ADGRB3: variants seen among roughly 807,000 people sequenced by gnomAD.
ADGRB3 encodes the protein adhesion G protein-coupled receptor B3, also known as brain-specific angiogenesis inhibitor 3.
Under a neutral mutation model 193.4 loss-of-function variants are expected in ADGRB3, and 37 were observed. That is an observed-to-expected ratio of 0.19 (90% confidence interval 0.15 to 0.25). ADGRB3 has a LOEUF of 0.25. Among genes scored for constraint, ADGRB3 ranks in the 10% least tolerant of loss-of-function variants. The pLI is 1.00. For missense variants in ADGRB3, 1,637 were observed against 1,852.9 expected (o/e 0.88, Z 2.14); for synonymous variants, 690 against 644.2 (o/e 1.07, Z -1.08).
rs372193262 is a variant in ADGRB3 at position 68,798,628 on chromosome 6, C to A, written c.758-131931C>A. On this transcript the variant is annotated intron_variant, in intron 3 of 31. Coordinates refer to ENST00000370598, the MANE Select transcript of ADGRB3 (RefSeq NM_001704.3). The stretch of plus-strand genomic sequence containing the variant: ...AGCAAACCACCATGGCACATGTATA[C>A]CTATGTAACAAAACTGCACGTTCTG... Among the ~76,000 whole-genome samples the A allele has an allele frequency of 5.9e-5, 9 of 152,178 alleles. No individual in the cohort carries two copies. The East Asian group carries it at 1.5e-3, about 26-fold the overall frequency.
intron 20 of ADGRB3, among the ~76,000 whole-genome samples, chr6:69,241,152 G>T (rs981426333): frequency 6.6e-6 from 1 of 151,798 alleles, no homozygotes; most frequent in Admixed American, 6.6e-5. Context: ...TCTACAAGGT[G>T]TACTTCACAT....
rs778446616 is a variant in ADGRB3, at chr6:68,943,942, G to T, written c.1143G>T (p.Pro381=). The T allele has an allele frequency of 3.1e-6, 5 of 1,613,580 alleles. No homozygotes were observed. Among genetic ancestry groups the T allele is most frequent in the Admixed American group, 1.7e-5 (1 of 59,992 alleles). The change falls in exon 6 of 32, where the codon CCG becomes CCT. Residue 381 remains proline (P), a synonymous_variant. Coordinates refer to ENST00000370598, the MANE Select transcript of ADGRB3 (RefSeq NM_001704.3). ...CACCTCCTCAGTATGGAGGAAGGCC[G>T]TGTGAAGGACCTGAAACACATCATA... ...SCTPPQYGGR[P]CEGPETHHKP... is the part of the protein sequence containing the mutation.
chr6:68,700,206 G>A (rs895923303), intron 3 of ADGRB3, among the ~76,000 whole-genome samples: 11 of 152,100 alleles, frequency 7.2e-5, no homozygotes, highest in African/African-American at 2.7e-4. Flanking sequence ...TCTTGAATAG[G>A]ACTTTAATGT....
At chr6:68,949,271 T>C (rs550803831) in intron 6 of ADGRB3, among the ~76,000 whole-genome samples, 1 of 152,076 alleles carries the variant, frequency 6.6e-6, no homozygotes. Context: ...TGTCAGTCTG[T>C]TGAGCTGAGC....
intron 20 of ADGRB3, among the ~76,000 whole-genome samples, chr6:69,301,115 G>A (rs1767941025): frequency 6.6e-6 from 1 of 151,570 alleles, no homozygotes; most frequent in Non-Finnish European, 1.5e-5. Context: ...TTGAAGATGA[G>A]CCACCTAATC....
At chr6:69,297,708 A>G (rs1313996532) in intron 20 of ADGRB3, among the ~76,000 whole-genome samples, 3 of 152,034 alleles carry the variant, frequency 2.0e-5, no homozygotes. Context: ...TTTTAAATGG[A>G]GAAGTAGCCA....
At chr6:69,072,441 T>C (rs542114109) in intron 16 of ADGRB3, among the ~76,000 whole-genome samples, 7 of 152,208 alleles carry the variant, frequency 4.6e-5, no homozygotes, top group Non-Finnish European at 8.8e-5. Flanking sequence ...ATTTCTCGTT[T>C]TGAAACCTTT....
chr6:68,754,301 C>T (rs1041384649), intron 3 of ADGRB3, among the ~76,000 whole-genome samples: 1 of 152,120 alleles, frequency 6.6e-6, no homozygotes, highest in African/African-American at 2.4e-5. Flanking sequence ...GGCCTCTGGT[C>T]ATAGCAGGGG....
chr6:69,152,913 T>A (rs1029789357), intron 17 of ADGRB3, among the ~76,000 whole-genome samples: 2 of 152,144 alleles, frequency 1.3e-5, no homozygotes, highest in African/African-American at 4.8e-5. Flanking sequence ...AAATTGAGGA[T>A]CCTGGAACTG....
At position 68,901,964 on chromosome 6, in the gene ADGRB3, T is replaced by G. The variant is rs538970105; in HGVS notation, c.758-28595T>G. ...TGACATTGGCAATATTTAATTTATA[T>G]TTTTTAGCTGGAAGCCGTCTTGTTC... On this transcript the variant is annotated intron_variant, in intron 3 of 31. Coordinates refer to ENST00000370598, the MANE Select transcript of ADGRB3 (RefSeq NM_001704.3). 2.3e-3 allele frequency among the ~76,000 whole-genome samples: 354 copies of G among 152,306 alleles called. 1 individual carries two copies. Among genetic ancestry groups the G allele is most frequent in the Non-Finnish European group, 3.7e-3 (253 of 68,010 alleles).
At chr6:68,679,660 A>G (rs1764844450) in intron 3 of ADGRB3, among the ~76,000 whole-genome samples, 1 of 152,176 alleles carries the variant, frequency 6.6e-6, no homozygotes, top group Admixed American at 6.5e-5. Context: ...ATCTCAGTCT[A>G]TATTGAGGTT....
Position 69,389,501 on chromosome 6 carries a change from T to C in ADGRB3, c.*610T>C, listed in dbSNP as rs550352859. ...GTTGTATGGTGTAAATAAACTTTTG[T>C]CTACATATCAGTTTTTTAGTGCATT... On this transcript the variant is annotated 3_prime_UTR_variant, in exon 32 of 32. Transcript: ENST00000370598. 2.6e-5 allele frequency: 4 copies of C among 152,720 alleles called. No individual in the cohort carries two copies. Among genetic ancestry groups the C allele is most frequent in the African/African-American group, 9.6e-5 (4 of 41,580 alleles). 9.5% of individuals were successfully genotyped at this position (152,720 alleles called of 1,614,324 possible). A position where few individuals can be genotyped will look rare whatever the true frequency, so the allele number is the denominator to read the frequency against.
chr6:69,118,163 A>T (rs965318932), intron 17 of ADGRB3, among the ~76,000 whole-genome samples: 9 of 152,110 alleles, frequency 5.9e-5, no homozygotes. Context: ...TTGGAAAATG[A>T]GGTGGTTGAA....
chr6:69,194,810 C>T (rs1345500708), intron 17 of ADGRB3, among the ~76,000 whole-genome samples: 1 of 152,036 alleles, frequency 6.6e-6, no homozygotes, highest in Non-Finnish European at 1.5e-5. Context: ...GCTGTGTGAC[C>T]TTAGGTACTT....
chr6:68,957,222 G>A (rs1436464610), intron 8 of ADGRB3, among the ~76,000 whole-genome samples: 1 of 152,170 alleles, frequency 6.6e-6, no homozygotes, highest in Non-Finnish European at 1.5e-5. Context: ...TATGAGGAAT[G>A]CATTTTAAAA....
At chr6:68,846,959 G>C (rs916930494) in intron 3 of ADGRB3, among the ~76,000 whole-genome samples, 2 of 152,134 alleles carry the variant, frequency 1.3e-5, no homozygotes, top group Non-Finnish European at 2.9e-5. Flanking sequence ...CAGGAGGGAG[G>C]CTGTACCATG....
At chr6:69,118,246 C>G (rs1773587366) in intron 17 of ADGRB3, among the ~76,000 whole-genome samples, 1 of 151,990 alleles carries the variant, frequency 6.6e-6, no homozygotes, top group African/African-American at 2.4e-5. Context: ...GCCCAGAGGC[C>G]TCTTCTAACT....
At chr6:68,802,638 T>TA (rs1282973450) in intron 3 of ADGRB3, among the ~76,000 whole-genome samples, 1 of 152,206 alleles carries the variant, frequency 6.6e-6, no homozygotes, top group Non-Finnish European at 1.5e-5. Context: ...CCAATTAAGC[T>TA]AATCACTTGC....
chr6:68,856,231 T>G (rs1764983075), intron 3 of ADGRB3, among the ~76,000 whole-genome samples: 1 of 152,154 alleles, frequency 6.6e-6, no homozygotes, highest in Admixed American at 6.5e-5. Flanking sequence ...GAAAACGGAC[T>G]AATACAGTAA....
Sources: gnomAD v4.1 joint callset for allele counts (sites outside exome capture counted in the v4.1 genomes callset) on GRCh38, gnomAD v4.1.1 for gene constraint, MANE v1.5 for transcripts, NCBI Gene and HGNC (gene_info 2026-07-23, HGNC 2026-07-21) for gene names.